ADGRL3: variants seen among roughly 807,000 people sequenced by gnomAD.
ADGRL3 encodes the protein adhesion G protein-coupled receptor L3.
Under a neutral mutation model 153.5 loss-of-function variants are expected in ADGRL3, and 62 were observed. The ratio of observed to expected loss-of-function variants is 0.40; its 90% confidence interval spans 0.33 to 0.50. ADGRL3 has a LOEUF of 0.50. ADGRL3 is among the 20% of genes least tolerant of loss of function. The pLI is 0.47. For synonymous variants in ADGRL3, 710 were observed against 672.5 expected, an observed-to-expected ratio of 1.06 and a Z score of -0.86; for missense variants, 1,641 against 1,859.4, an observed-to-expected ratio of 0.88 and a Z score of 2.16.
In ADGRL3 at chr4:61,871,071, G is replaced by T. The variant is rs547740882; in HGVS notation, c.1481-21585G>T. Among the ~76,000 whole-genome samples the T allele has an allele frequency of 6.6e-5, 10 of 152,240 alleles. 1 individual carries two copies. In the South Asian group the frequency reaches 1.5e-3, roughly 22 times the overall value. Reference sequence around the variant, plus strand: ...AGGCGGGCGAATCACGAGGTCAGGAGATCGAGACCATCCTGGCTAACACGG... The same window carrying T: ...AGGCGGGCGAATCACGAGGTCAGGATATCGAGACCATCCTGGCTAACACGG... On this transcript the variant is annotated intron_variant, in intron 9 of 26. Coordinates refer to ENST00000683033, the MANE Select transcript of ADGRL3 (RefSeq NM_001387552.1).
intron 5 of ADGRL3, among the ~76,000 whole-genome samples, chr4:61,657,388 CTA>C (rs141551460): frequency 1.4e-4 from 21 of 150,364 alleles, no homozygotes; most frequent in African/African-American, 3.7e-4. Flanking sequence ...ACATATATGT[CTA>C]TATATATATA....
intron 9 of ADGRL3, among the ~76,000 whole-genome samples, chr4:61,851,329 G>A (rs1191740120): frequency 6.6e-6 from 1 of 152,088 alleles, no homozygotes; most frequent in South Asian, 2.1e-4. Flanking sequence ...ACTCACACCT[G>A]TGATCTCAGC....
rs1037161508 is a variant in ADGRL3 at position 62,074,748 on chromosome 4, G to A, written c.*3840G>A. ...TAAATTAAGATGTAGTTTATCATCT[G>A]TATTTTAAAATATCCATCATAACTA... On this transcript the variant is annotated 3_prime_UTR_variant, in exon 27 of 27. Coordinates refer to ENST00000683033, the MANE Select transcript of ADGRL3 (RefSeq NM_001387552.1). 6.6e-6 allele frequency: 1 copy of A among 152,064 alleles called. No homozygotes were observed. The highest frequency in any genetic ancestry group is 2.4e-5 in the African/African-American group (1 of 41,398). The allele number at this position is 152,064 out of a possible 1,614,324, so 9.4% of individuals were successfully genotyped here.
rs180902488 is a variant in ADGRL3, at chr4:61,359,078, C to G, written c.-239-24046C>G. Among the ~76,000 whole-genome samples, 45 of 152,218 alleles carry G rather than the reference C, an allele frequency of 3.0e-4. 1 individual carries two copies. The East Asian group carries it at 7.9e-3, about 27-fold the overall frequency. On this transcript the variant is annotated intron_variant, in intron 1 of 26. Transcript: ENST00000683033. The stretch of plus-strand genomic sequence containing the variant: ...CATTGGCAAAAGTCAAAAACATTGA[C>G]TTCTTCCTCTCATACATCACATATA...
At chr4:61,717,130 G>A (rs928191461) in intron 6 of ADGRL3, among the ~76,000 whole-genome samples, 50 of 151,630 alleles carry the variant, frequency 3.3e-4, no homozygotes, top group Admixed American at 3.0e-3. Context: ...TTACCTCCAC[G>A]CTGTTTCCAA....
chr4:61,634,570 A>G (rs145016684), intron 5 of ADGRL3, among the ~76,000 whole-genome samples: 5 of 152,314 alleles, frequency 3.3e-5, no homozygotes, highest in African/African-American at 1.2e-4. Context: ...TTCAAACTAT[A>G]TGCAAGCCCT....
intron 2 of ADGRL3, among the ~76,000 whole-genome samples, chr4:61,479,286 C>T (rs1377666650): frequency 2.0e-5 from 3 of 151,852 alleles, no homozygotes; most frequent in African/African-American, 7.3e-5. Context: ...TAAAAAGGAG[C>T]TTATAAAGAG....
chr4:62,026,333 A>T (rs1041627697), intron 21 of ADGRL3, among the ~76,000 whole-genome samples: 21 of 152,070 alleles, frequency 1.4e-4, no homozygotes, highest in African/African-American at 5.1e-4. Context: ...TGTAAAGAGG[A>T]GACCAATTCC....
At chr4:61,464,367 CTG>C (rs2097856339) in intron 2 of ADGRL3, among the ~76,000 whole-genome samples, 1 of 152,176 alleles carries the variant, frequency 6.6e-6, no homozygotes. Context: ...TCATTAATGT[CTG>C]TCTTAAGAAT....
At chr4:61,672,425 G>T (rs2095040652) in intron 5 of ADGRL3, among the ~76,000 whole-genome samples, 1 of 152,004 alleles carries the variant, frequency 6.6e-6, no homozygotes, top group Admixed American at 6.6e-5. Context: ...TTATTTAGGG[G>T]TTGATATCCA....
At chr4:61,688,747 A>G (rs58046346) in intron 6 of ADGRL3, among the ~76,000 whole-genome samples, 33,964 of 152,034 alleles carry the variant, frequency 0.22, 3,974 homozygotes, top group East Asian at 0.34. Flanking sequence ...GACTATTTGT[A>G]TAATTTCACA....
chr4:61,995,734 A>G (rs1313169215), intron 19 of ADGRL3, among the ~76,000 whole-genome samples: 2 of 152,142 alleles, frequency 1.3e-5, no homozygotes, highest in Non-Finnish European at 2.9e-5. Flanking sequence ...GATGCTAAGG[A>G]TCATTTGCAA....
intron 4 of ADGRL3, among the ~76,000 whole-genome samples, chr4:61,553,662 A>C (rs773691302): frequency 1.1e-4 from 16 of 152,194 alleles, no homozygotes; most frequent in Non-Finnish European, 1.9e-4. Flanking sequence ...CATAAAAGGA[A>C]ACTTCAATAA....
At chr4:61,939,700 C>G (rs1039340193) in intron 15 of ADGRL3, among the ~76,000 whole-genome samples, 16 of 151,982 alleles carry the variant, frequency 1.1e-4, no homozygotes, top group Non-Finnish European at 2.4e-4. Flanking sequence ...GAATTCCTGA[C>G]TTCGTGATCT....
chr4:61,347,001 A>G (rs1338421648), intron 1 of ADGRL3, among the ~76,000 whole-genome samples: 5 of 152,058 alleles, frequency 3.3e-5, no homozygotes, highest in South Asian at 2.1e-4. Context: ...GGGGCATGAT[A>G]CCTTTGCTTA....
At chr4:61,428,963 G>A (rs1415432680) in intron 2 of ADGRL3, among the ~76,000 whole-genome samples, 1 of 150,298 alleles carries the variant, frequency 6.7e-6, no homozygotes, top group Non-Finnish European at 1.5e-5. Context: ...ATAAATATAT[G>A]TGTATCTTAT....
chr4:61,438,759 G>C (rs945157679), intron 2 of ADGRL3, among the ~76,000 whole-genome samples: 2 of 148,362 alleles, frequency 1.3e-5, no homozygotes, highest in African/African-American at 2.5e-5. Context: ...CCAGGCTGGA[G>C]TGCAGTGGTG....
At chr4:61,798,999 G>GTATATATATATATATA (rs34782885) in intron 8 of ADGRL3, among the ~76,000 whole-genome samples, 2 of 80,748 alleles carry the variant, frequency 2.5e-5, no homozygotes, top group Non-Finnish European at 4.9e-5. Context: ...TATATAAACA[G>GTATATATATATATATA]TATATATATA....
At chr4:61,596,731 G>C (rs2098990643) in intron 5 of ADGRL3, among the ~76,000 whole-genome samples, 1 of 152,018 alleles carries the variant, frequency 6.6e-6, no homozygotes, top group South Asian at 2.1e-4. Flanking sequence ...GGTGTCATAA[G>C]CCTGTGGCCA....
Sources: allele counts gnomAD v4.1 joint callset (sites outside exome capture counted in the v4.1 genomes callset), GRCh38; gene constraint gnomAD v4.1.1; transcripts MANE v1.5; gene names NCBI Gene and HGNC (gene_info 2026-07-23, HGNC 2026-07-21).